Variants in KIAA0586 observed in about 807,000 individuals in gnomAD.
The protein encoded by KIAA0586 is protein TALPID3.
Under a neutral mutation model 169.8 loss-of-function variants are expected in KIAA0586, and 144 were observed. The observed-to-expected ratio is 0.85, with a 90% CI of 0.74 to 0.97. The LOEUF (loss-of-function observed/expected upper bound fraction) is 0.97, where lower values mean the gene tolerates loss of function less well. KIAA0586 is among the 50% of genes least tolerant of loss of function. KIAA0586 has a pLI of 0.00. For missense variants in KIAA0586, 1,854 were observed against 1,823.0 expected (o/e 1.02, Z -0.31); for synonymous variants, 625 against 612.4 (o/e 1.02, Z -0.30).
chr14:58,507,004 C>G (rs1261908066), intron 27 of KIAA0586, among the ~76,000 whole-genome samples: 1 of 151,550 alleles, frequency 6.6e-6, no homozygotes, highest in Admixed American at 6.6e-5. Context: ...AAAAATTATC[C>G]AAGTGTGGTA....
intron 26 of KIAA0586, among the ~76,000 whole-genome samples, chr14:58,495,121 A>G (rs2043077184): frequency 6.6e-6 from 1 of 151,986 alleles, no homozygotes; most frequent in African/African-American, 2.4e-5. Flanking sequence ...TAGTTACTCC[A>G]GTGTTGATTT....
intron 21 of KIAA0586, among the ~76,000 whole-genome samples, chr14:58,486,082 C>G (rs2042417252): frequency 6.6e-6 from 1 of 152,180 alleles, no homozygotes; most frequent in South Asian, 2.1e-4. Context: ...AGTTTTTCAA[C>G]TCATTCCCCT....
chr14:58,436,530 T>C (rs1351680590), intron 4 of KIAA0586, among the ~76,000 whole-genome samples: 1 of 152,186 alleles, frequency 6.6e-6, no homozygotes, highest in Non-Finnish European at 1.5e-5. Flanking sequence ...TAGCATATGT[T>C]TGGCTGTGGT....
intron 7 of KIAA0586, 120 bp from the exon 8 acceptor site, chr14:58,450,459 A>G: frequency 1.6e-6 from 1 of 625,938 alleles, no homozygotes; most frequent in Non-Finnish European, 2.8e-6. Context: ...TCTACACTTA[A>G]TAATTTGTTC....
intron 29 of KIAA0586, among the ~76,000 whole-genome samples, chr14:58,519,365 T>C (rs2045019536): frequency 6.6e-6 from 1 of 152,158 alleles, no homozygotes; most frequent in African/African-American, 2.4e-5. Flanking sequence ...CCAGCTTCCA[T>C]GTAGCTAGGA....
In KIAA0586 at chr14:58,457,520, G is replaced by A. The variant is rs193235347; in HGVS notation, c.1363-239G>A. Among the ~76,000 whole-genome samples, 1,163 of 152,176 alleles carry A rather than the reference G, an allele frequency of 7.6e-3. 9 individuals carry two copies. Among genetic ancestry groups the A allele is most frequent in the Non-Finnish European group, 0.013 (914 of 67,992 alleles). On this transcript the variant is annotated intron_variant, in intron 10 of 30. Transcript: ENST00000652326. The stretch of plus-strand genomic sequence containing the variant: ...TGACCTCAGGTGATCCACCTGCCTC[G>A]GCCTCCCAAAGTGTTGGGATTACAG...
At chr14:58,498,667 T>C in intron 26 of KIAA0586, 116 bp from the exon 27 acceptor site, 1 of 831,716 alleles carries the variant, frequency 1.2e-6, no homozygotes, top group Non-Finnish European at 1.8e-6. Flanking sequence ...TAGAAGGCAG[T>C]TTGTAAAATA....
intron 26 of KIAA0586, among the ~76,000 whole-genome samples, chr14:58,498,074 T>TC (rs747194545): frequency 3.3e-5 from 5 of 152,006 alleles, no homozygotes; most frequent in Non-Finnish European, 7.4e-5. Flanking sequence ...AGACGGGGTT[T>TC]CACCATGTTG....
At chr14:58,530,666 C>A (rs1192479365) in intron 29 of KIAA0586, among the ~76,000 whole-genome samples, 1 of 152,170 alleles carries the variant, frequency 6.6e-6, no homozygotes, top group Non-Finnish European at 1.5e-5. Context: ...TGGACCTCTT[C>A]CTTACACCTT....
At chr14:58,487,600 C>T (rs928363386) in intron 22 of KIAA0586, among the ~76,000 whole-genome samples, 4 of 150,088 alleles carry the variant, frequency 2.7e-5, no homozygotes, top group South Asian at 2.1e-4. Flanking sequence ...AGTGAGACTC[C>T]GTCTCACAAA....
intron 20 of KIAA0586, 126 bp downstream of exon 20, chr14:58,477,367 T>C: frequency 1.7e-6 from 1 of 581,658 alleles, no homozygotes; most frequent in East Asian, 2.8e-5. Context: ...CTAACCTTAC[T>C]TCTTAGTACT....
chr14:58,508,799 T>C (rs1437132567), intron 28 of KIAA0586, 90 bp downstream of exon 28: 46 of 927,966 alleles, frequency 5.0e-5, no homozygotes, highest in Non-Finnish European at 7.3e-5. Context: ...GCCAAGCCTC[T>C]GGAGTCAGAT....
At chr14:58,441,878 C>T (rs1214698059) in intron 4 of KIAA0586, 1 of 152,298 alleles carries the variant, frequency 6.6e-6, no homozygotes, top group African/African-American at 2.4e-5. Flanking sequence ...CAGCGATCCA[C>T]CTGCCTTGGC....
intron 7 of KIAA0586, among the ~76,000 whole-genome samples, chr14:58,449,971 G>A (rs2039224210): frequency 6.6e-6 from 1 of 151,918 alleles, no homozygotes; most frequent in Non-Finnish European, 1.5e-5. Flanking sequence ...TGTAATTGTA[G>A]CATTTTATAC....
intron 2 of KIAA0586, 68 bp from the exon 3 acceptor site, chr14:58,430,580 A>T: frequency 1.0e-6 from 1 of 960,128 alleles, no homozygotes. Flanking sequence ...CATAGCTAGT[A>T]AACGGTTCTT....
chr14:58,431,373 CT>C (rs1277602565), intron 3 of KIAA0586, among the ~76,000 whole-genome samples: 3 of 152,118 alleles, frequency 2.0e-5, no homozygotes, highest in Non-Finnish European at 4.4e-5. Flanking sequence ...AGCAATTGTC[CT>C]GCCTCAGCCT....
chr14:58,449,888 G>T (rs914382439), intron 7 of KIAA0586, among the ~76,000 whole-genome samples: 2 of 152,058 alleles, frequency 1.3e-5, no homozygotes, highest in Non-Finnish European at 2.9e-5. Context: ...AGAAAATAAA[G>T]AGTAAAAATT....
At chr14:58,467,128 G>A (rs990948193) in intron 15 of KIAA0586, among the ~76,000 whole-genome samples, 3 of 152,070 alleles carry the variant, frequency 2.0e-5, no homozygotes, top group Non-Finnish European at 4.4e-5. Flanking sequence ...ATAGCTCTCT[G>A]TTTAAACATA....
chr14:58,486,771 T>A (rs2042475057), intron 21 of KIAA0586, among the ~76,000 whole-genome samples: 1 of 152,178 alleles, frequency 6.6e-6, no homozygotes, highest in African/African-American at 2.4e-5. Flanking sequence ...CTTCTCTATT[T>A]TAAAAGAGGG....
Sources: gnomAD v4.1 joint callset for allele counts (sites outside exome capture counted in the v4.1 genomes callset) on GRCh38, gnomAD v4.1.1 for gene constraint, MANE v1.5 for transcripts, NCBI Gene and HGNC (gene_info 2026-07-23, HGNC 2026-07-21) for gene names.